The following CADPS variants were observed in gnomAD, a reference collection of about 807,000 sequenced individuals.
CADPS encodes calcium dependent secretion activator.
CADPS carries 57 observed loss-of-function variants against 167.3 expected under a neutral mutation model. The observed-to-expected ratio is 0.34, with a 90% CI of 0.28 to 0.42. The LOEUF (loss-of-function observed/expected upper bound fraction) is 0.42. Among genes scored for constraint, CADPS ranks in the 20% least tolerant of loss-of-function variants. The pLI, the probability that CADPS is intolerant of heterozygous loss-of-function variation, is 1.00. For synonymous variants in CADPS, 676 were observed against 635.3 expected (o/e 1.06, Z -0.96); for missense variants, 1,414 against 1,738.1 (o/e 0.81, Z 3.32).
intron 3 of CADPS, among the ~76,000 whole-genome samples, chr3:62,667,875 T>G (rs2074762206): frequency 6.6e-6 from 1 of 151,998 alleles, no homozygotes; most frequent in East Asian, 1.9e-4. Flanking sequence ...CACCTGGGAA[T>G]GCCCTGTCTG....
At chr3:62,581,646 A>G (rs1029265528) in intron 8 of CADPS, among the ~76,000 whole-genome samples, 3 of 152,016 alleles carry the variant, frequency 2.0e-5, no homozygotes, top group African/African-American at 7.3e-5. Flanking sequence ...GCACCTTTGC[A>G]CTCCAGTCTG....
At chr3:62,482,022 G>A (rs1438854627) in intron 21 of CADPS, among the ~76,000 whole-genome samples, 153 bp from the exon 22 acceptor site, 1 of 152,214 alleles carries the variant, frequency 6.6e-6, no homozygotes, top group Non-Finnish European at 1.5e-5. Flanking sequence ...GCTTACAGAT[G>A]GGAAGCTGTG....
chr3:62,582,807 A>G (rs975274001), intron 8 of CADPS, among the ~76,000 whole-genome samples: 5 of 152,220 alleles, frequency 3.3e-5, no homozygotes, highest in African/African-American at 7.2e-5. Flanking sequence ...TTCTTCTGTC[A>G]TCTGTAGGGT....
chr3:62,481,252 C>G (rs2061976836), intron 22 of CADPS, among the ~76,000 whole-genome samples: 1 of 152,108 alleles, frequency 6.6e-6, no homozygotes, highest in Non-Finnish European at 1.5e-5. Context: ...TTTGCTGACA[C>G]CAGAAATATG....
At chr3:62,839,744 G>A (rs1223150231) in intron 1 of CADPS, among the ~76,000 whole-genome samples, 2 of 152,180 alleles carry the variant, frequency 1.3e-5, no homozygotes, top group Non-Finnish European at 2.9e-5. Context: ...AAAACGGCAA[G>A]AACCAGGGCC....
chr3:62,503,485 G>A (rs1211890115), intron 17 of CADPS, among the ~76,000 whole-genome samples: 2 of 152,228 alleles, frequency 1.3e-5, no homozygotes, highest in African/African-American at 2.4e-5. Flanking sequence ...TGAGAAGGCT[G>A]CAATTAATTG....
intron 5 of CADPS, among the ~76,000 whole-genome samples, chr3:62,648,626 C>T (rs1177017475): frequency 1.4e-5 from 2 of 138,250 alleles, no homozygotes; most frequent in Admixed American, 1.6e-4. Flanking sequence ...GTTGAGGCTG[C>T]AGTTAGCCAA....
At chr3:62,400,954 T>C (rs1705861370) in intron 29 of CADPS, among the ~76,000 whole-genome samples, 3 of 152,186 alleles carry the variant, frequency 2.0e-5, no homozygotes, top group Admixed American at 2.0e-4. Flanking sequence ...ACAATCACAA[T>C]GTCAACCCCT....
intron 4 of CADPS, 93 bp downstream of exon 4, chr3:62,662,221 C>T (rs2150489604): frequency 9.0e-7 from 1 of 1,105,102 alleles, no homozygotes; most frequent in Non-Finnish European, 1.4e-6. Flanking sequence ...CTCTGCTTCT[C>T]AGCTTTATCC....
At chr3:62,822,945 T>C (rs900505217) in intron 1 of CADPS, among the ~76,000 whole-genome samples, 1 of 152,120 alleles carries the variant, frequency 6.6e-6, no homozygotes, top group Non-Finnish European at 1.5e-5. Context: ...GAAATTGAGT[T>C]TGCAGATAAG....
At chr3:62,636,985 TG>T (rs1650896695) in intron 6 of CADPS, among the ~76,000 whole-genome samples, 1 of 152,146 alleles carries the variant, frequency 6.6e-6, no homozygotes, top group Non-Finnish European at 1.5e-5. Context: ...TTGTAGGATT[TG>T]GGGGCAGGCT....
intron 17 of CADPS, among the ~76,000 whole-genome samples, chr3:62,508,348 C>A (rs1410545580): frequency 2.0e-5 from 3 of 152,144 alleles, no homozygotes; most frequent in African/African-American, 4.8e-5. Flanking sequence ...ACCAAGAAAC[C>A]TCTTTTGTGT....
chr3:62,786,552 G>A (rs956668935), intron 1 of CADPS, among the ~76,000 whole-genome samples: 3 of 152,040 alleles, frequency 2.0e-5, no homozygotes, highest in African/African-American at 4.8e-5. Context: ...GGCTAAAGTA[G>A]GATAAGAGCT....
chr3:62,865,379 A>C (rs536039767), intron 1 of CADPS, among the ~76,000 whole-genome samples: 73 of 140,424 alleles, frequency 5.2e-4, no homozygotes, highest in African/African-American at 1.1e-3. Context: ...TGGAACACTT[A>C]AGGATTAAAA....
intron 29 of CADPS, among the ~76,000 whole-genome samples, chr3:62,402,118 A>C (rs1706474558): frequency 6.6e-6 from 1 of 152,034 alleles, no homozygotes; most frequent in Non-Finnish European, 1.5e-5. Flanking sequence ...TTGTGAGATC[A>C]AATGCAGATA....
intron 1 of CADPS, among the ~76,000 whole-genome samples, chr3:62,801,507 T>C (rs533752151): frequency 9.1e-4 from 139 of 152,310 alleles, no homozygotes; most frequent in Admixed American, 1.5e-3. Flanking sequence ...ATTTTTATGC[T>C]TTTATTCAGG....
intron 28 of CADPS, among the ~76,000 whole-genome samples, chr3:62,409,020 G>A (rs891050883): frequency 2.0e-5 from 3 of 152,170 alleles, no homozygotes; most frequent in Admixed American, 6.6e-5. Context: ...ATTGAACATG[G>A]AGCCCTTATA....
chr3:62,746,766 G>C (rs2081542116), intron 3 of CADPS, among the ~76,000 whole-genome samples: 1 of 152,142 alleles, frequency 6.6e-6, no homozygotes. Context: ...ACATGAAGGA[G>C]CTTAGAAGTG....
In CADPS at chr3:62,661,288, C is replaced by T. The variant is rs552813276; in HGVS notation, c.969+1026G>A. Among the ~76,000 whole-genome samples, 156 of 152,178 alleles carry T rather than the reference C, an allele frequency of 1.0e-3. 2 individuals carry two copies. The highest frequency in any genetic ancestry group is 3.4e-3 in the African/African-American group (141 of 41,506). On this transcript the variant is annotated intron_variant, in intron 4 of 29. Coordinates refer to ENST00000383710, the MANE Select transcript of CADPS (RefSeq NM_003716.4). ...TAATAAAGGTTGATATGCGATCTGA[C>T]GGGAACACAAAGGTGGAAAGGACTA... is the stretch of plus-strand genomic sequence containing the variant.
Sources: allele counts gnomAD v4.1 joint callset (sites outside exome capture counted in the v4.1 genomes callset), GRCh38; gene constraint gnomAD v4.1.1; transcripts MANE v1.5; gene names NCBI Gene and HGNC (gene_info 2026-07-23, HGNC 2026-07-21).